The following TMEFF2 variants were observed in gnomAD, a reference collection of about 807,000 sequenced individuals.
TMEFF2 encodes transmembrane protein with EGF like and two follistatin like domains 2.
TMEFF2 carries 28 observed loss-of-function variants against 53.8 expected under a neutral mutation model. The ratio of observed to expected loss-of-function variants is 0.52; its 90% confidence interval spans 0.39 to 0.71. The LOEUF (loss-of-function observed/expected upper bound fraction) is 0.71, where lower values mean the gene tolerates loss of function less well. Among genes scored for constraint, TMEFF2 ranks in the 30% least tolerant of loss-of-function variants. TMEFF2 has a pLI of 0.00. For missense variants in TMEFF2, 353 were observed against 455.2 expected (o/e 0.78, Z 2.04); for synonymous variants, 162 against 166.3 (o/e 0.97, Z 0.20).
At position 192,099,648 on chromosome 2, in the gene TMEFF2, C is replaced by T. The variant is rs537365264; in HGVS notation, c.440-41873G>A. Among the ~76,000 whole-genome samples the T allele has an allele frequency of 2.6e-5, 4 of 152,178 alleles. No homozygotes were observed. The East Asian group carries it at 7.7e-4, about 29-fold the overall frequency. On this transcript the variant is annotated intron_variant, in intron 4 of 9. Transcript: ENST00000272771. ...AAGCCCCACAACTTACAGAAGTTGG[C>T]TTCAGTTTTTTGGTATTGATTTTTT...
chr2:192,117,984 T>TTTTTTTTTTTTGAGACGGAGTCTC (rs1285280749), intron 4 of TMEFF2, among the ~76,000 whole-genome samples: 1 of 151,292 alleles, frequency 6.6e-6, no homozygotes, highest in African/African-American at 2.4e-5. Flanking sequence ...TTGCTTTGTT[T>TTTTTTTTTTTTGAGACGGAGTCTC]GTGGGCTTTA....
At chr2:192,141,140 G>A (rs2105989745) in intron 4 of TMEFF2, among the ~76,000 whole-genome samples, 1 of 152,132 alleles carries the variant, frequency 6.6e-6, no homozygotes, top group South Asian at 2.1e-4. Flanking sequence ...GGTGAAGGCT[G>A]TTAGAACTGT....
chr2:192,122,164 A>G (rs1431641034), intron 4 of TMEFF2, among the ~76,000 whole-genome samples: 2 of 152,198 alleles, frequency 1.3e-5, no homozygotes, highest in African/African-American at 4.8e-5. Context: ...CCCCATATAT[A>G]TACATAATTA....
At chr2:192,102,704 C>T (rs535612622) in intron 4 of TMEFF2, among the ~76,000 whole-genome samples, 46 of 141,238 alleles carry the variant, frequency 3.3e-4, no homozygotes, top group Non-Finnish European at 6.1e-4. Flanking sequence ...TCTCGGCTCA[C>T]CTGTCGCCAG....
At chr2:192,010,071 G>A (rs1413745296) in intron 5 of TMEFF2, among the ~76,000 whole-genome samples, 1 of 152,124 alleles carries the variant, frequency 6.6e-6, no homozygotes, top group Non-Finnish European at 1.5e-5. Flanking sequence ...ATGTTTCTTT[G>A]TAAACAACTA....
chr2:192,148,206 G>A (rs1690300932), intron 4 of TMEFF2, among the ~76,000 whole-genome samples: 1 of 151,992 alleles, frequency 6.6e-6, no homozygotes, highest in African/African-American at 2.4e-5. Context: ...AAAAGAAAAA[G>A]CCTGGTTTTT....
intron 5 of TMEFF2, among the ~76,000 whole-genome samples, chr2:192,002,381 T>C (rs1211852695): frequency 6.6e-6 from 1 of 152,172 alleles, no homozygotes; most frequent in Non-Finnish European, 1.5e-5. Flanking sequence ...CCCTACTCTA[T>C]ATACTTGCAT....
chr2:191,950,642 A>G (rs1691847818), intron 9 of TMEFF2, among the ~76,000 whole-genome samples: 1 of 152,136 alleles, frequency 6.6e-6, no homozygotes, highest in South Asian at 2.1e-4. Flanking sequence ...AGAGGAAGAC[A>G]TTTACTTTGT....
At chr2:192,160,371 C>A (rs1299324286) in intron 4 of TMEFF2, among the ~76,000 whole-genome samples, 1 of 152,068 alleles carries the variant, frequency 6.6e-6, no homozygotes, top group Non-Finnish European at 1.5e-5. Context: ...GTTTAAGATA[C>A]CATATTTTAC....
intron 7 of TMEFF2, among the ~76,000 whole-genome samples, chr2:191,992,052 T>C (rs13400407): frequency 0.032 from 4,885 of 152,186 alleles, 271 homozygotes; most frequent in African/African-American, 0.11. Flanking sequence ...ATACTTGCAA[T>C]GAGACACTTT....
In TMEFF2 at chr2:192,006,897, TA is replaced by T. The variant is rs549742804; in HGVS notation, c.537-7690del. Among the ~76,000 whole-genome samples, 5 of 152,262 alleles carry T rather than the reference TA, an allele frequency of 3.3e-5. No homozygotes were observed. In the East Asian group the frequency reaches 9.6e-4, roughly 29 times the overall value. On this transcript the variant is annotated intron_variant, in intron 5 of 9. Transcript: ENST00000272771. The stretch of plus-strand genomic sequence containing the variant: ...ATGTGCAGACATGGTGAGTTGGAGT[TA>T]TATTAGATACTCTTTCTCACCCTCT...
intron 5 of TMEFF2, chr2:192,030,639 G>C (rs1687108236): frequency 6.6e-6 from 1 of 152,080 alleles, no homozygotes; most frequent in Non-Finnish European, 1.5e-5. Context: ...TCTACAAAGA[G>C]TGAACTGATC....
At chr2:192,102,626 CTTTT>C (rs10635775) in intron 4 of TMEFF2, among the ~76,000 whole-genome samples, 3 of 109,844 alleles carry the variant, frequency 2.7e-5, no homozygotes, top group Admixed American at 2.3e-4. Context: ...TTTTCTTGTT[CTTTT>C]TTTTTTTTTT....
chr2:192,157,856 T>C (rs2106007637), intron 4 of TMEFF2, among the ~76,000 whole-genome samples: 1 of 152,196 alleles, frequency 6.6e-6, no homozygotes, highest in South Asian at 2.1e-4. Flanking sequence ...TTGCATTTCA[T>C]ATTCTAGTCA....
At chr2:192,175,105 A>G (rs1691006259) in intron 4 of TMEFF2, among the ~76,000 whole-genome samples, 1 of 151,716 alleles carries the variant, frequency 6.6e-6, no homozygotes. Context: ...CCATGAGTGT[A>G]AAGAACTGTG....
intron 4 of TMEFF2, among the ~76,000 whole-genome samples, chr2:192,062,493 G>A (rs904844482): frequency 2.6e-5 from 4 of 152,072 alleles, no homozygotes; most frequent in Admixed American, 2.6e-4. Flanking sequence ...AAAAGACTTT[G>A]TGTACACATA....
intron 7 of TMEFF2, among the ~76,000 whole-genome samples, chr2:191,964,831 G>A (rs1559064048): frequency 6.6e-6 from 1 of 152,002 alleles, no homozygotes; most frequent in East Asian, 1.9e-4. Flanking sequence ...TCTCTTCTCA[G>A]GCCTCAGCCA....
intron 9 of TMEFF2, among the ~76,000 whole-genome samples, chr2:191,950,787 A>G (rs746925850): frequency 6.6e-6 from 1 of 152,206 alleles, no homozygotes; most frequent in Admixed American, 6.5e-5. Context: ...TGAATGTTAT[A>G]TTGACTTTTC....
At position 192,116,482 on chromosome 2, in the gene TMEFF2, G is replaced by A. The variant is rs530735242; in HGVS notation, c.440-58707C>T. Among the ~76,000 whole-genome samples the A allele has an allele frequency of 5.9e-5, 9 of 151,926 alleles. No homozygotes were observed. The South Asian group carries it at 1.9e-3, about 32-fold the overall frequency. Reference sequence around the variant, plus strand: ...TAAGACAGAGTAAATCACAAGATTTGCCTAGTGTTATTTAGTAAGCAAAAT... The same window carrying A: ...TAAGACAGAGTAAATCACAAGATTTACCTAGTGTTATTTAGTAAGCAAAAT... On this transcript the variant is annotated intron_variant, in intron 4 of 9. Transcript: ENST00000272771.
Sources: allele counts gnomAD v4.1 joint callset (sites outside exome capture counted in the v4.1 genomes callset), GRCh38; gene constraint gnomAD v4.1.1; transcripts MANE v1.5; gene names NCBI Gene and HGNC (gene_info 2026-07-23, HGNC 2026-07-21).